ERICH1: variants seen among roughly 807,000 people sequenced by gnomAD.
ERICH1 encodes the protein glutamate rich 1, also known as glutamate-rich protein 1.
In ERICH1, 56 loss-of-function variants were observed where a neutral mutation model predicts 39.6. The ratio of observed to expected loss-of-function variants is 1.41; its 90% CI spans 1.14 to 1.77. ERICH1 has a LOEUF of 1.77. Among genes scored for constraint, ERICH1 ranks in the 40% most tolerant of loss-of-function variants. The pLI, the probability that ERICH1 is intolerant of heterozygous loss-of-function variation, is 0.00. For synonymous variants in ERICH1, 313 were observed against 223.6 expected, an observed-to-expected ratio of 1.40 and a Z score of -3.57; for missense variants, 826 against 575.4, an observed-to-expected ratio of 1.44 and a Z score of -4.45.
Position 634,179 on chromosome 8 carries a change from A to C in ERICH1, c.977-18895T>G, listed in dbSNP as rs112469633. Among the ~76,000 whole-genome samples, 258 of 43,588 alleles carry C rather than the reference A, an allele frequency of 5.9e-3. 1 individual carries two copies. The highest frequency in any genetic ancestry group is 0.03 in the African/African-American group (246 of 8,132). 28.6% of individuals were successfully genotyped at this position (43,588 alleles called of 152,430 possible). A position where few individuals can be genotyped will look rare whatever the true frequency, so the allele number is the denominator to read the frequency against. On this transcript the variant is annotated intron_variant, in intron 3 of 3. Coordinates refer to the ERICH1 transcript ENST00000522706. The stretch of plus-strand genomic sequence containing the variant: ...GAACTCCTAAAACTCAAAAAAAAAA[A>C]AAAAAAACAAACAAAAAAAACCCTG...
intron 2 of ERICH1, among the ~76,000 whole-genome samples, chr8:704,584 C>T (rs534723701): frequency 1.3e-5 from 2 of 152,012 alleles, no homozygotes; most frequent in Admixed American, 1.3e-4. Flanking sequence ...ACGGTGTTTA[C>T]GGAGACATAA....
At chr8:725,510 G>C (rs958654531) in intron 1 of ERICH1, 12 of 152,520 alleles carry the variant, frequency 7.9e-5, no homozygotes, top group African/African-American at 2.9e-4. Context: ...CCAGCCGTCA[G>C]GGATGGGCAC....
In ERICH1 at chr8:702,929, C is replaced by T. The variant is rs533012516; in HGVS notation, c.170-10317G>A. Among the ~76,000 whole-genome samples the T allele has an allele frequency of 1.2e-4, 18 of 152,340 alleles. 1 individual carries two copies. In the East Asian group the frequency reaches 1.3e-3, roughly 11 times the overall value. On this transcript the variant is annotated intron_variant, in intron 2 of 5. Coordinates refer to ENST00000262109, the MANE Select transcript of ERICH1 (RefSeq NM_207332.3). ...TCCTACCCAGGACAGGTACCCCGCACGCCTGGGGTTAGCTGAAGGAGGGCC... is the reference window on the plus strand; with the variant it reads ...TCCTACCCAGGACAGGTACCCCGCATGCCTGGGGTTAGCTGAAGGAGGGCC...
intron 1 of ERICH1, among the ~76,000 whole-genome samples, chr8:728,910 C>T (rs902192447): frequency 2.7e-5 from 4 of 148,622 alleles, no homozygotes; most frequent in African/African-American, 9.7e-5. Flanking sequence ...CTAGCAGAAA[C>T]AATCTACTTC....
chr8:681,015 C>T (rs1805997657), intron 3 of ERICH1, among the ~76,000 whole-genome samples: 1 of 152,206 alleles, frequency 6.6e-6, no homozygotes, highest in South Asian at 2.1e-4. Context: ...TACATGCAGA[C>T]TCATGAACTG....
chr8:652,055 G>A (rs1311974740), intron 3 of ERICH1, among the ~76,000 whole-genome samples: 2 of 152,188 alleles, frequency 1.3e-5, no homozygotes, highest in Non-Finnish European at 2.9e-5. Flanking sequence ...GAGGCAGAGC[G>A]TTTGCGGGCG....
chr8:695,363 C>T (rs1809912174), intron 2 of ERICH1, among the ~76,000 whole-genome samples: 1 of 152,024 alleles, frequency 6.6e-6, no homozygotes, highest in Non-Finnish European at 1.5e-5. Flanking sequence ...AGAAGACTGC[C>T]ACAGGTACCT....
At chr8:698,021 C>G (rs1810759791) in intron 2 of ERICH1, among the ~76,000 whole-genome samples, 1 of 152,168 alleles carries the variant, frequency 6.6e-6, no homozygotes, top group African/African-American at 2.4e-5. Context: ...CGGCGTGTAC[C>G]TGTGACATGG....
intron 1 of ERICH1, among the ~76,000 whole-genome samples, chr8:716,875 C>T (rs1816126732): frequency 6.6e-6 from 1 of 152,118 alleles, no homozygotes; most frequent in Non-Finnish European, 1.5e-5. Context: ...GGCTCCACGG[C>T]CCTACCTGGG....
chr8:620,161 A>C (rs1797189183), intron 3 of ERICH1, among the ~76,000 whole-genome samples: 1 of 152,072 alleles, frequency 6.6e-6, no homozygotes, highest in Non-Finnish European at 1.5e-5. Flanking sequence ...AAAATACAAA[A>C]ATTAGCCAGG....
intron 3 of ERICH1, chr8:640,807 A>G (rs1156247610): frequency 6.6e-6 from 1 of 152,200 alleles, no homozygotes; most frequent in Admixed American, 6.5e-5. Context: ...AGATCTTCCA[A>G]TTTGATTTCG....
At chr8:668,852 A>G in intron 4 of ERICH1, 60 bp from the exon 5 acceptor site, 1 of 1,475,490 alleles carries the variant, frequency 6.8e-7, no homozygotes. Context: ...TAAACTAAAG[A>G]TAAGCTTTCC....
downstream of ERICH1, among the ~76,000 whole-genome samples, chr8:661,049 A>T (rs563234683): frequency 2.1e-3 from 315 of 152,270 alleles, 1 homozygote; most frequent in Non-Finnish European, 3.5e-3. Context: ...CCTGGTAGGG[A>T]ACTCACTGCA....
intron 2 of ERICH1, among the ~76,000 whole-genome samples, 158 bp from the exon 3 acceptor site, chr8:692,770 A>G (rs732195): frequency 0.17 from 26,338 of 152,228 alleles, 2,655 homozygotes; most frequent in East Asian, 0.4. Flanking sequence ...ACTGATTTTA[A>G]TATGTCAAGT....
rs781277474 is a variant in ERICH1 at position 673,666 on chromosome 8, G to A, written c.686C>T (p.Thr229Ile). 1.9e-6 allele frequency: 3 copies of A among 1,612,706 alleles called. No individual in the cohort carries two copies. Among genetic ancestry groups the A allele is most frequent in the South Asian group, 1.1e-5 (1 of 91,000 alleles). ...AGCGTCCGCACCATCTTCCTCCCTG[G>A]TATCTTTAACGTCTTCCTCCCCGGC... ...TLAGEEDVKD[T>I]REEDGADASE... The change falls in exon 4 of 6, where the codon ACC (threonine) becomes ATC (isoleucine). Residue 229 changes from threonine to isoleucine, a missense_variant. Coordinates refer to ENST00000262109, the MANE Select transcript of ERICH1 (RefSeq NM_207332.3).
Position 673,388 on chromosome 8 carries a change from C to A in ERICH1, c.964G>T (p.Gly322Cys), listed in dbSNP as rs772477497. The A allele has an allele frequency of 5.0e-6, 8 of 1,614,082 alleles. No individual in the cohort carries two copies. ...TCATCTTCCTCGCTGGCGTCTGCAC[C>A]GTCCTCCTCCCCGGAGTCTGCACCC... ...EEGADSGEED[G>C]ADASEEDDTI... Residue 322 changes from glycine (G) to cysteine (C), a missense_variant, in exon 4 of 6, where the codon GGT becomes TGT. Gly to Cys is a radical substitution (Grantham distance 159). Transcript: ENST00000262109.
chr8:615,472 T>C, intron 3 of ERICH1: 1 of 475,582 alleles, frequency 2.1e-6, no homozygotes, highest in East Asian at 3.4e-5. Flanking sequence ...GGGGTGGCTG[T>C]CATCTCTACG....
At chr8:617,794 C>G (rs1797018599) in intron 3 of ERICH1, among the ~76,000 whole-genome samples, 1 of 149,908 alleles carries the variant, frequency 6.7e-6, no homozygotes, top group African/African-American at 2.5e-5. Context: ...TCCATCCTCA[C>G]TGCCCTATGA....
intron 1 of ERICH1, among the ~76,000 whole-genome samples, chr8:729,254 G>A (rs1265521683): frequency 6.6e-6 from 1 of 152,194 alleles, no homozygotes; most frequent in African/African-American, 2.4e-5. Flanking sequence ...AGGCACACCT[G>A]CGTCTTGTGG....
Sources: allele counts gnomAD v4.1 joint callset (sites outside exome capture counted in the v4.1 genomes callset), GRCh38; gene constraint gnomAD v4.1.1; transcripts MANE v1.5; gene names NCBI Gene and HGNC (gene_info 2026-07-23, HGNC 2026-07-21).